The following FAM161A variants were observed in gnomAD, a reference collection of about 807,000 sequenced individuals.
FAM161A encodes the protein FAM161 centrosomal protein A.
FAM161A carries 57 observed loss-of-function variants against 70.9 expected under a neutral mutation model. The observed-to-expected ratio is 0.80, with a 90% CI of 0.65 to 1.00. The LOEUF is 1.00. Ranked by LOEUF, FAM161A falls within the 50% of genes least tolerant of loss-of-function variation. FAM161A has a pLI of 0.00. For missense variants in FAM161A, 880 were observed against 836.0 expected (o/e 1.05, Z -0.65); for synonymous variants, 299 against 295.7 (o/e 1.01, Z -0.12).
chr2:61,852,421 A>G (rs1388468323), intron 1 of FAM161A, among the ~76,000 whole-genome samples: 1 of 152,216 alleles, frequency 6.6e-6, no homozygotes, highest in Admixed American at 6.5e-5. Context: ...TTTAGAGGAG[A>G]CACACATTCT....
chr2:61,851,924 T>C (rs954940602), intron 1 of FAM161A, among the ~76,000 whole-genome samples: 13 of 152,146 alleles, frequency 8.5e-5, no homozygotes, highest in African/African-American at 3.1e-4. Context: ...AGGTATAATA[T>C]TTGACTTTAC....
chr2:61,849,317 A>G (rs1673415173), intron 1 of FAM161A, among the ~76,000 whole-genome samples: 1 of 149,798 alleles, frequency 6.7e-6, no homozygotes, highest in Admixed American at 6.8e-5. Context: ...AAAAGGGCCT[A>G]AGCGTCATAT....
At chr2:61,847,744 C>T (rs1408168535) in intron 1 of FAM161A, among the ~76,000 whole-genome samples, 2 of 152,054 alleles carry the variant, frequency 1.3e-5, no homozygotes, top group Admixed American at 1.3e-4. Context: ...TGCACTCCAG[C>T]CTGGGTAACA....
chr2:61,834,782 C>G (rs1393526155), intron 5 of FAM161A, among the ~76,000 whole-genome samples: 1 of 151,776 alleles, frequency 6.6e-6, no homozygotes, highest in Non-Finnish European at 1.5e-5. Context: ...TTGTAACAAA[C>G]CTGCGCATAT....
At chr2:61,821,020 T>C (rs1672191110), downstream of FAM161A, among the ~76,000 whole-genome samples, 1 of 152,142 alleles carries the variant, frequency 6.6e-6, no homozygotes, top group Non-Finnish European at 1.5e-5. Flanking sequence ...CAGAGTTAGA[T>C]ATAAGCATAC....
intron 6 of FAM161A, 77 bp downstream of exon 6, chr2:61,827,026 AC>A (rs1400934052): frequency 7.4e-6 from 10 of 1,357,016 alleles, no homozygotes; most frequent in Non-Finnish European, 1.0e-5. Context: ...CAAAAAATAT[AC>A]ATAGTATAAA....
chr2:61,808,522 T>C, the FAM161A span, among the ~76,000 whole-genome samples: 1 of 152,190 alleles, frequency 6.6e-6, no homozygotes, highest in Non-Finnish European at 1.5e-5. Flanking sequence ...TCCACCCTCC[T>C]TGGCCTCCCA....
intron 1 of FAM161A, among the ~76,000 whole-genome samples, chr2:61,842,771 T>G (rs952024746): frequency 1.3e-5 from 2 of 152,190 alleles, no homozygotes; most frequent in African/African-American, 4.8e-5. Flanking sequence ...CACAGCCCAA[T>G]GCTCTCCCTC....
chr2:61,851,053 T>C (rs1385917464), intron 1 of FAM161A, among the ~76,000 whole-genome samples: 2 of 151,924 alleles, frequency 1.3e-5, no homozygotes, highest in Non-Finnish European at 2.9e-5. Context: ...TTTGTATTTT[T>C]AGTAGAGATG....
the FAM161A span, among the ~76,000 whole-genome samples, chr2:61,815,799 C>A: frequency 6.6e-6 from 1 of 151,822 alleles, no homozygotes; most frequent in African/African-American, 2.4e-5. Context: ...GATCCCCGCA[C>A]CTCAGCCTCC....
chr2:61,802,213 G>A, the FAM161A span, among the ~76,000 whole-genome samples: 17 of 152,178 alleles, frequency 1.1e-4, no homozygotes, highest in African/African-American at 2.2e-4. Flanking sequence ...GTTGGTGACC[G>A]CAGGGGACAT....
chr2:61,809,563 C>A, the FAM161A span, among the ~76,000 whole-genome samples: 1 of 152,146 alleles, frequency 6.6e-6, no homozygotes, highest in East Asian at 1.9e-4. Flanking sequence ...TTGGATTCCC[C>A]CAAAGGCAGA....
chr2:61,852,176 C>CT (rs574706928), intron 1 of FAM161A, among the ~76,000 whole-genome samples: 107 of 145,974 alleles, frequency 7.3e-4, no homozygotes, highest in African/African-American at 1.6e-3. Context: ...ACTTGGCTTC[C>CT]TTTTTTTTTT....
chr2:61,804,971 G>A, the FAM161A span, among the ~76,000 whole-genome samples: 11 of 152,160 alleles, frequency 7.2e-5, no homozygotes, highest in African/African-American at 2.4e-4. Flanking sequence ...TCAGGTTAGG[G>A]GGAACTGAGG....
At chr2:61,827,063 T>C (rs749931291) in intron 6 of FAM161A, 41 bp downstream of exon 6, 1 of 1,604,590 alleles carries the variant, frequency 6.2e-7, no homozygotes, top group South Asian at 1.1e-5. Context: ...AGGTAATAAT[T>C]TTTTCAAAGG....
At chr2:61,804,922 C>T in the FAM161A span, among the ~76,000 whole-genome samples, 1 of 151,990 alleles carries the variant, frequency 6.6e-6, no homozygotes, top group African/African-American at 2.4e-5. Context: ...TTTTCAGAAA[C>T]ATGGATGCCC....
the FAM161A span, among the ~76,000 whole-genome samples, chr2:61,804,752 AAGAAAGAAAAAGAAAG>A: frequency 2.6e-5 from 3 of 114,800 alleles, no homozygotes; most frequent in East Asian, 4.6e-4. Flanking sequence ...AAGGAAAAGA[AAGAAAGAAAAAGAAAG>A]AGAAAGAAAG....
the FAM161A span, among the ~76,000 whole-genome samples, chr2:61,805,219 C>T: frequency 6.6e-6 from 1 of 152,182 alleles, no homozygotes; most frequent in Non-Finnish European, 1.5e-5. Flanking sequence ...CAGCATATAG[C>T]CTCCATGTAT....
the FAM161A span, among the ~76,000 whole-genome samples, chr2:61,808,095 C>T: frequency 6.6e-6 from 1 of 152,112 alleles, no homozygotes; most frequent in Non-Finnish European, 1.5e-5. Flanking sequence ...GCAGGGAGCT[C>T]AGTGATGGCG....
Sources: allele counts gnomAD v4.1 joint callset (sites outside exome capture counted in the v4.1 genomes callset), GRCh38; gene constraint gnomAD v4.1.1; transcripts MANE v1.5; gene names NCBI Gene and HGNC (gene_info 2026-07-23, HGNC 2026-07-21).